The following METTL15 variants were observed in gnomAD, a reference collection of about 807,000 sequenced individuals.
The protein encoded by METTL15 is methyltransferase 15, mitochondrial 12S rRNA N4-cytidine.
METTL15 carries 34 observed loss-of-function variants against 38.3 expected under a neutral mutation model. That is an observed-to-expected ratio of 0.89 (90% CI 0.68 to 1.18). The LOEUF (loss-of-function observed/expected upper bound fraction) is 1.18. METTL15 is among the 50% of genes most tolerant of loss of function. The pLI, the probability that METTL15 is intolerant of heterozygous loss-of-function variation, is 0.00. For synonymous variants in METTL15, 162 were observed against 170.9 expected (o/e 0.95, Z 0.41); for missense variants, 438 against 498.4 (o/e 0.88, Z 1.15).
chr11:28,350,440 G>T (rs1283817880), intron 3 of METTL15, among the ~76,000 whole-genome samples: 2 of 152,056 alleles, frequency 1.3e-5, no homozygotes, highest in Non-Finnish European at 2.9e-5. Context: ...AAACAAAAAG[G>T]TCACCCATAC....
chr11:28,194,166 T>TTCTTTCTTTCTG (rs1195553694), intron 3 of METTL15, among the ~76,000 whole-genome samples: 2 of 86,410 alleles, frequency 2.3e-5, no homozygotes, highest in Non-Finnish European at 4.3e-5. Context: ...CTTTCTTTCT[T>TTCTTTCTTTCTG]TCTTTCTTTT....
rs113201938 is a variant in METTL15, at chr11:28,301,038, G to A, written c.778+4107G>A. 6.6e-4 allele frequency among the ~76,000 whole-genome samples: 101 copies of A among 152,208 alleles called. 1 individual carries two copies. Among genetic ancestry groups the A allele is most frequent in the African/African-American group, 2.3e-3 (96 of 41,540 alleles). The stretch of plus-strand genomic sequence containing the variant: ...CCAGTTCCATAAATATAATACAGGC[G>A]TAGAGACTTTAGAAAGGATAGATTT... On this transcript the variant is annotated intron_variant, in intron 6 of 6. Coordinates refer to ENST00000407364, the MANE Select transcript of METTL15 (RefSeq NM_001113528.2).
chr11:28,371,375 C>A (rs1160934268), intron 5 of METTL15, among the ~76,000 whole-genome samples: 1 of 151,862 alleles, frequency 6.6e-6, no homozygotes, highest in Non-Finnish European at 1.5e-5. Flanking sequence ...TATTCTATTC[C>A]TTTGGTCTAT....
At chr11:28,208,443 G>T (rs1011727048) in intron 3 of METTL15, among the ~76,000 whole-genome samples, 1 of 152,040 alleles carries the variant, frequency 6.6e-6, no homozygotes, top group Non-Finnish European at 1.5e-5. Context: ...TTAATCCTGA[G>T]TTCTAGTTTG....
chr11:28,494,051 G>A (rs1851517540), intron 6 of METTL15, among the ~76,000 whole-genome samples: 1 of 152,228 alleles, frequency 6.6e-6, no homozygotes, highest in South Asian at 2.1e-4. Context: ...CTAGCTGTGT[G>A]TCCTTGGACA....
At chr11:28,488,783 T>A (rs928210012) in intron 6 of METTL15, among the ~76,000 whole-genome samples, 4 of 151,122 alleles carry the variant, frequency 2.6e-5, no homozygotes, top group African/African-American at 9.9e-5. Context: ...CCCACGATAC[T>A]TTTTTTTGTG....
chr11:28,163,550 T>G (rs974258860), intron 3 of METTL15: 4 of 330,142 alleles, frequency 1.2e-5, no homozygotes, highest in Non-Finnish European at 2.2e-5. Flanking sequence ...TCTCTCTCTC[T>G]CTGTGTGTGT....
chr11:28,430,750 A>T (rs1330992570), intron 6 of METTL15, among the ~76,000 whole-genome samples: 5 of 107,150 alleles, frequency 4.7e-5, no homozygotes, highest in African/African-American at 1.4e-4. Flanking sequence ...CCGCCTGGCC[A>T]GCCGCCCCGT....
At chr11:28,142,797 A>T (rs1849743955) in intron 3 of METTL15, among the ~76,000 whole-genome samples, 1 of 152,184 alleles carries the variant, frequency 6.6e-6, no homozygotes, top group Non-Finnish European at 1.5e-5. Context: ...ACTAGATTAG[A>T]TAGATATTTT....
intron 6 of METTL15, chr11:28,328,262 C>T: frequency 8.3e-7 from 1 of 1,202,064 alleles, no homozygotes; most frequent in East Asian, 2.7e-5. Context: ...CTAACATTCT[C>T]CAGACTTTTG....
intron 3 of METTL15, among the ~76,000 whole-genome samples, chr11:28,191,672 C>G (rs1257728433): frequency 6.6e-6 from 1 of 151,560 alleles, no homozygotes; most frequent in South Asian, 2.1e-4. Context: ...TGGATGAGTT[C>G]TTTTGGCACG....
At chr11:28,517,259 G>C (rs996167699) in intron 6 of METTL15, 1 of 151,732 alleles carries the variant, frequency 6.6e-6, no homozygotes, top group African/African-American at 2.4e-5. Context: ...CCGTTGAACA[G>C]CTAAGGAGAG....
At chr11:28,206,456 CA>C (rs1199769342) in intron 3 of METTL15, among the ~76,000 whole-genome samples, 10 of 151,970 alleles carry the variant, frequency 6.6e-5, no homozygotes, top group Non-Finnish European at 1.2e-4. Flanking sequence ...TGTTCTGTTC[CA>C]TTGGTCTATA....
chr11:28,418,534 G>A (rs1451584748), intron 5 of METTL15, among the ~76,000 whole-genome samples: 2 of 152,108 alleles, frequency 1.3e-5, no homozygotes, highest in African/African-American at 4.8e-5. Context: ...TGGCTCAATA[G>A]AAGCCTCTGC....
At chr11:28,512,153 C>T (rs1851680105) in intron 6 of METTL15, among the ~76,000 whole-genome samples, 1 of 152,190 alleles carries the variant, frequency 6.6e-6, no homozygotes, top group Non-Finnish European at 1.5e-5. Flanking sequence ...CACAAAGGTT[C>T]TCCAAGTCCC....
chr11:28,219,460 A>G lies in METTL15; in HGVS notation c.407+8262A>G, dbSNP rs1268935190. Among the ~76,000 whole-genome samples, 6 of 151,692 alleles carry G rather than the reference A, an allele frequency of 4.0e-5. 1 individual carries two copies. The South Asian group carries it at 6.2e-4, about 16-fold the overall frequency. On this transcript the variant is annotated intron_variant, in intron 4 of 6. Transcript: ENST00000407364. ...TTGATTCTTCTCTCTTTTCTTCTTT[A>G]TTAGTCTTGCTAGCAGTCTATCAAT...
intron 3 of METTL15, among the ~76,000 whole-genome samples, chr11:28,339,960 C>T (rs1849935618): frequency 6.6e-6 from 1 of 151,914 alleles, no homozygotes; most frequent in African/African-American, 2.4e-5. Flanking sequence ...GTGATAAGCT[C>T]GGAATCCATG....
chr11:28,243,318 C>T (rs186277452), intron 4 of METTL15, among the ~76,000 whole-genome samples: 6 of 152,132 alleles, frequency 3.9e-5, no homozygotes, highest in East Asian at 1.9e-4. Flanking sequence ...TTCTTTTGGC[C>T]GTACCTTTTT....
intron 6 of METTL15, among the ~76,000 whole-genome samples, chr11:28,464,246 T>TA (rs988764940): frequency 3.9e-5 from 6 of 152,228 alleles, no homozygotes; most frequent in Non-Finnish European, 7.4e-5. Context: ...TGAAAATAGC[T>TA]AAAAATATAT....
Sources: gnomAD v4.1 joint callset for allele counts (sites outside exome capture counted in the v4.1 genomes callset) on GRCh38, gnomAD v4.1.1 for gene constraint, MANE v1.5 for transcripts, NCBI Gene and HGNC (gene_info 2026-07-23, HGNC 2026-07-21) for gene names.